The following JADE1 variants were observed in gnomAD, a reference collection of about 807,000 sequenced individuals.
The protein encoded by JADE1 is jade family PHD finger 1.
A neutral mutation model predicts 81.8 loss-of-function variants in JADE1; 14 were observed. The observed-to-expected ratio is 0.17, with a 90% CI of 0.11 to 0.27. The LOEUF (loss-of-function observed/expected upper bound fraction) is 0.27, where lower values mean the gene tolerates loss of function less well. JADE1 is among the 10% of genes least tolerant of loss of function. The pLI is 1.00. For missense variants in JADE1, 690 were observed against 1,047.9 expected, an observed-to-expected ratio of 0.66 and a Z score of 4.71; for synonymous variants, 353 against 391.9, an observed-to-expected ratio of 0.90 and a Z score of 1.17.
At chr4:128,824,285 G>C (rs543581061) in intron 1 of JADE1, among the ~76,000 whole-genome samples, 1 of 152,092 alleles carries the variant, frequency 6.6e-6, no homozygotes, top group African/African-American at 2.4e-5. Context: ...ATATATATTA[G>C]CTGGGCGTGT....
chr4:128,859,858 T>G (rs1472352186), intron 8 of JADE1, among the ~76,000 whole-genome samples: 1 of 152,220 alleles, frequency 6.6e-6, no homozygotes, highest in East Asian at 1.9e-4. Context: ...AGGCTGATGA[T>G]TTTTCATATC....
At chr4:128,843,462 G>A (rs1052088403) in intron 3 of JADE1, among the ~76,000 whole-genome samples, 1 of 152,182 alleles carries the variant, frequency 6.6e-6, no homozygotes, top group Non-Finnish European at 1.5e-5. Flanking sequence ...TTGGCAACAA[G>A]CAAAACTCTG....
intron 1 of JADE1, among the ~76,000 whole-genome samples, chr4:128,812,135 C>T (rs1027842859): frequency 6.6e-6 from 1 of 151,524 alleles, no homozygotes; most frequent in Non-Finnish European, 1.5e-5. Flanking sequence ...CGGGGGGTGG[C>T]CACTTTCAAA....
At chr4:128,844,951 A>G (rs2125853584) in intron 3 of JADE1, among the ~76,000 whole-genome samples, 2 of 152,340 alleles carry the variant, frequency 1.3e-5, no homozygotes, top group South Asian at 4.1e-4. Flanking sequence ...TAGCAGGCGT[A>G]TGATGTGAAC....
chr4:128,874,984 G>C lies in JADE1; in HGVS notation c.*2722G>C, dbSNP rs1382027385. On this transcript the variant is annotated 3_prime_UTR_variant, in exon 11 of 11. Transcript: ENST00000226319. ...GATTTTTCACTATGTGCCTAGCTTG[G>C]TGTCCATTCAGCTAAAATTGAAAAA... 1 of 149,530 alleles carries C rather than the reference G, an allele frequency of 6.7e-6. No individual in the cohort carries two copies. The highest frequency in any genetic ancestry group is 1.5e-5 in the Non-Finnish European group (1 of 67,646). The allele number at this position is 149,530 out of a possible 1,614,324, so 9.3% of individuals were successfully genotyped here.
At chr4:128,856,640 T>TAGACTAGA (rs1453665822) in intron 7 of JADE1, among the ~76,000 whole-genome samples, 6 of 152,260 alleles carry the variant, frequency 3.9e-5, no homozygotes, top group African/African-American at 1.2e-4. Context: ...AGACCTTGAC[T>TAGACTAGA]AATATAATTT....
intron 1 of JADE1, among the ~76,000 whole-genome samples, chr4:128,829,212 C>T (rs1476600905): frequency 6.6e-6 from 1 of 152,110 alleles, no homozygotes; most frequent in Non-Finnish European, 1.5e-5. Context: ...AGTGGGCTTA[C>T]CCCAGGCCAA....
intron 1 of JADE1, among the ~76,000 whole-genome samples, chr4:128,812,320 TG>T (rs1169015200): frequency 1.3e-5 from 2 of 149,786 alleles, no homozygotes; most frequent in Non-Finnish European, 3.0e-5. Flanking sequence ...GGAGGAGGAT[TG>T]GGAGAGAGGG....
chr4:128,813,575 C>G (rs1048400980), intron 1 of JADE1, among the ~76,000 whole-genome samples: 1 of 151,896 alleles, frequency 6.6e-6, no homozygotes, highest in Non-Finnish European at 1.5e-5. Flanking sequence ...CGTGCCACCA[C>G]GGCTGGCTAA....
chr4:128,862,778 G>T lies in JADE1; in HGVS notation c.1503+553G>T, dbSNP rs1158601368. The T allele has an allele frequency of 4.0e-6, 4 of 1,003,126 alleles. No homozygotes were observed. The African/African-American group carries it at 7.0e-5, about 17-fold the overall frequency. 62.1% of individuals were successfully genotyped at this position (1,003,126 alleles called of 1,614,324 possible). A position where few individuals can be genotyped will look rare whatever the true frequency, so the allele number is the denominator to read the frequency against. On this transcript the variant is annotated intron_variant, in intron 9 of 10. Coordinates refer to ENST00000226319, the MANE Select transcript of JADE1 (RefSeq NM_199320.4). Reference sequence around the variant, plus strand: ...AATTCACAGGGGAATTCCCAGTACTGTCATGGAGCAGAGCAGGCAGTGGGT... The same window carrying T: ...AATTCACAGGGGAATTCCCAGTACTTTCATGGAGCAGAGCAGGCAGTGGGT...
At chr4:128,814,971 T>C (rs1486149873) in intron 1 of JADE1, among the ~76,000 whole-genome samples, 1 of 152,166 alleles carries the variant, frequency 6.6e-6, no homozygotes, top group Non-Finnish European at 1.5e-5. Context: ...ATAGAGAAGC[T>C]TTGTCTAAAC....
chr4:128,847,745 T>G (rs1444710538), intron 4 of JADE1, among the ~76,000 whole-genome samples: 1 of 152,202 alleles, frequency 6.6e-6, no homozygotes, highest in Non-Finnish European at 1.5e-5. Flanking sequence ...ATCCCTGCTC[T>G]TGGCTGAGTA....
At chr4:128,820,084 A>G (rs1368159156) in intron 1 of JADE1, among the ~76,000 whole-genome samples, 1 of 151,474 alleles carries the variant, frequency 6.6e-6, no homozygotes, top group Non-Finnish European at 1.5e-5. Flanking sequence ...TCTGCAGTTA[A>G]TTATGATTTT....
At chr4:128,818,205 C>G (rs1035049265) in intron 1 of JADE1, among the ~76,000 whole-genome samples, 1 of 151,944 alleles carries the variant, frequency 6.6e-6, no homozygotes, top group African/African-American at 2.4e-5. Flanking sequence ...ACTGCAACGT[C>G]TGTCTCCTGG....
At chr4:128,864,013 T>C in intron 9 of JADE1, 2 of 985,414 alleles carry the variant, frequency 2.0e-6, no homozygotes, top group Non-Finnish European at 2.4e-6. Context: ...GTCATCACTG[T>C]CGCTGTTTAA....
At chr4:128,852,325 T>A in intron 6 of JADE1, 57 bp downstream of exon 6, 1 of 1,378,596 alleles carries the variant, frequency 7.3e-7, no homozygotes, top group Non-Finnish European at 1.0e-6. Flanking sequence ...CTGTCTGCTG[T>A]GGGAGTGTAT....
At chr4:128,845,590 A>G (rs907313043) in intron 3 of JADE1, among the ~76,000 whole-genome samples, 1 of 152,012 alleles carries the variant, frequency 6.6e-6, no homozygotes, top group Non-Finnish European at 1.5e-5. Context: ...CCTGGGAGGT[A>G]GGGCCTGGGT....
At position 128,872,389 on chromosome 4, in the gene JADE1, GATTA is replaced by G. The variant is rs1408101127; in HGVS notation, c.*131_*134del. ...CACAAACACATTTACTTGCAATTCA[GATTA>G]ATTTTTTTCCAGAGTCATTTTTAAA... is the stretch of plus-strand genomic sequence containing the variant. On this transcript the variant is annotated 3_prime_UTR_variant, in exon 11 of 11. Coordinates refer to ENST00000226319, the MANE Select transcript of JADE1 (RefSeq NM_199320.4). The G allele has an allele frequency of 2.5e-6, 2 of 795,336 alleles. No individual in the cohort carries two copies. The highest frequency in any genetic ancestry group is 3.9e-6 in the Non-Finnish European group (2 of 513,380). The allele number at this position is 795,336 out of a possible 1,614,324, so 49.3% of individuals were successfully genotyped here. A position where few individuals can be genotyped will look rare whatever the true frequency, so the allele number is the denominator to read the frequency against.
At chr4:128,821,668 C>G (rs1727583249) in intron 1 of JADE1, among the ~76,000 whole-genome samples, 2 of 151,968 alleles carry the variant, frequency 1.3e-5, no homozygotes, top group Non-Finnish European at 2.9e-5. Flanking sequence ...TTACAGGTGC[C>G]TGCCACCATG....
Sources: gnomAD v4.1 joint callset for allele counts (sites outside exome capture counted in the v4.1 genomes callset) on GRCh38, gnomAD v4.1.1 for gene constraint, MANE v1.5 for transcripts, NCBI Gene and HGNC (gene_info 2026-07-23, HGNC 2026-07-21) for gene names.